The following CCDC85C variants were observed in gnomAD, a reference collection of about 807,000 sequenced individuals.
The protein encoded by CCDC85C is coiled-coil domain containing 85C.
In CCDC85C, 18 loss-of-function variants were observed where a neutral mutation model predicts 38.3. The observed-to-expected ratio is 0.47, with a 90% confidence interval of 0.33 to 0.70. The LOEUF (loss-of-function observed/expected upper bound fraction) is 0.70, where lower values mean the gene tolerates loss of function less well. CCDC85C is among the 30% of genes least tolerant of loss of function. The probability of loss-of-function intolerance (pLI) is 0.03; values close to 1 mark genes in which losing one functional copy is unlikely to be tolerated. For synonymous variants in CCDC85C, 264 were observed against 293.8 expected (o/e 0.90, Z 1.04); for missense variants, 566 against 621.2 (o/e 0.91, Z 0.94).
At chr14:99,570,251 G>T (rs927818054) in intron 1 of CCDC85C, among the ~76,000 whole-genome samples, 1 of 152,248 alleles carries the variant, frequency 6.6e-6, no homozygotes, top group Non-Finnish European at 1.5e-5. Flanking sequence ...GCACAGAGAA[G>T]TTCACAAAGC....
At chr14:99,553,179 G>A (rs1595359747) in intron 1 of CCDC85C, among the ~76,000 whole-genome samples, 1 of 152,164 alleles carries the variant, frequency 6.6e-6, no homozygotes, top group East Asian at 1.9e-4. Context: ...GAAGGATGAG[G>A]CCCCCTCACT....
chr14:99,549,437 G>A (rs1055533863), intron 1 of CCDC85C, among the ~76,000 whole-genome samples: 4 of 152,296 alleles, frequency 2.6e-5, no homozygotes, highest in Non-Finnish European at 2.9e-5. Flanking sequence ...GTTCACAGGC[G>A]TCTGGCTGGA....
Position 99,503,565 on chromosome 14 carries a change from A to G in CCDC85C, c.*11681T>C. The G allele has an allele frequency of 2.0e-6, 3 of 1,516,168 alleles. No homozygotes were observed. Among genetic ancestry groups the G allele is most frequent in the Non-Finnish European group, 8.9e-7 (1 of 1,118,212 alleles). 93.9% of individuals were successfully genotyped at this position (1,516,168 alleles called of 1,614,324 possible). A position where few individuals can be genotyped will look rare whatever the true frequency, so the allele number is the denominator to read the frequency against. On this transcript the variant is annotated 3_prime_UTR_variant, in exon 6 of 6. Coordinates refer to ENST00000380243, the MANE Select transcript of CCDC85C (RefSeq NM_001144995.2). ...CTGGATAATCCATTTTTTTCTCATC[A>G]TACTCAGGATCCCAGTTAACAATTG...
Position 99,515,242 on chromosome 14 carries a change from G to A in CCDC85C, c.*4C>T, listed in dbSNP as rs1276385217. On this transcript the variant is annotated 3_prime_UTR_variant, in exon 6 of 6. Coordinates refer to ENST00000380243, the MANE Select transcript of CCDC85C (RefSeq NM_001144995.2). ...GGCCAGTCCACGTCCACAGAAGAGT[G>A]GCCCTACAAAGGCCCCTTGAACTGG... is the stretch of plus-strand genomic sequence containing the variant. 6.5e-7 allele frequency: 1 copy of A among 1,549,350 alleles called. No individual in the cohort carries two copies. Among genetic ancestry groups the A allele is most frequent in the Non-Finnish European group, 8.7e-7 (1 of 1,145,732 alleles).
At chr14:99,553,514 G>C (rs1897953402) in intron 1 of CCDC85C, among the ~76,000 whole-genome samples, 1 of 152,170 alleles carries the variant, frequency 6.6e-6, no homozygotes, top group Non-Finnish European at 1.5e-5. Flanking sequence ...ACAGGCACGT[G>C]CCACCACGCC....
At chr14:99,590,932 G>A (rs1180557180) in intron 1 of CCDC85C, among the ~76,000 whole-genome samples, 1 of 152,238 alleles carries the variant, frequency 6.6e-6, no homozygotes, top group East Asian at 1.9e-4. Context: ...AGTGCTAATG[G>A]CCTTATCCGC....
chr14:99,578,661 T>G (rs2054930184), intron 1 of CCDC85C, among the ~76,000 whole-genome samples: 1 of 152,206 alleles, frequency 6.6e-6, no homozygotes, highest in Non-Finnish European at 1.5e-5. Context: ...ACTGCTTCTA[T>G]TTTTGCTTTT....
rs1456317189 is a variant in CCDC85C, at chr14:99,535,365, C to T, written c.867+650G>A. On this transcript the variant is annotated intron_variant, in intron 2 of 5. Transcript: ENST00000380243. This position sits in a 1 kb window ranked among gnomAD's most constrained non-coding sequence, Gnocchi z 5.5. ...AGCCAGCTGGCCCCCAACACCCAAG[C>T]GTGACTGCCCATAGCCTCCTCTCGG... Among the ~76,000 whole-genome samples the T allele has an allele frequency of 2.6e-5, 4 of 152,162 alleles. No individual in the cohort carries two copies. The highest frequency in any genetic ancestry group is 1.3e-4 in the Admixed American group (2 of 15,286).
chr14:99,538,394 C>T (rs966055935), intron 1 of CCDC85C, among the ~76,000 whole-genome samples: 15 of 152,222 alleles, frequency 9.9e-5, no homozygotes, highest in African/African-American at 2.7e-4. Context: ...GAAGGCTCTC[C>T]GCAGCGCAAT....
At chr14:99,562,097 A>G (rs1476508771) in intron 1 of CCDC85C, among the ~76,000 whole-genome samples, 6 of 152,194 alleles carry the variant, frequency 3.9e-5, no homozygotes, top group South Asian at 4.1e-4. Flanking sequence ...AGGTGAGGAC[A>G]TGATGATGTC....
At chr14:99,555,358 G>T (rs1897990996) in intron 1 of CCDC85C, among the ~76,000 whole-genome samples, 1 of 152,194 alleles carries the variant, frequency 6.6e-6, no homozygotes, top group Admixed American at 6.5e-5. Flanking sequence ...GTGTCCGCCG[G>T]CTTGTCCAAG....
intron 1 of CCDC85C, among the ~76,000 whole-genome samples, chr14:99,551,293 C>T (rs1897901861): frequency 1.3e-5 from 2 of 152,144 alleles, no homozygotes; most frequent in Admixed American, 6.5e-5. Context: ...CCAGAGGCCA[C>T]ACGGGATTGG....
chr14:99,504,005 G>T lies in CCDC85C; in HGVS notation c.*11241C>A, dbSNP rs1896908825. ...TCCCAAGCACCAAGCCACAGCAGATGCGGGGGGGCAGTAGGGGGTGGTGTG... is the reference window on the plus strand; with the variant it reads ...TCCCAAGCACCAAGCCACAGCAGATTCGGGGGGGCAGTAGGGGGTGGTGTG... On this transcript the variant is annotated 3_prime_UTR_variant, in exon 6 of 6. Transcript: ENST00000380243. 5.6e-6 allele frequency: 2 copies of T among 359,840 alleles called. No individual in the cohort carries two copies. The highest frequency in any genetic ancestry group is 2.2e-5 in the African/African-American group (1 of 45,462). 22.3% of individuals were successfully genotyped at this position (359,840 alleles called of 1,614,324 possible). A position where few individuals can be genotyped will look rare whatever the true frequency, so the allele number is the denominator to read the frequency against.
In CCDC85C at chr14:99,515,130, G is replaced by T; in HGVS notation, c.*116C>A. 1 of 753,520 alleles carries T rather than the reference G, an allele frequency of 1.3e-6. No homozygotes were observed. The highest frequency in any genetic ancestry group is 2.2e-6 in the Non-Finnish European group (1 of 460,798). 46.7% of individuals were successfully genotyped at this position (753,520 alleles called of 1,614,324 possible). ...CAGGGCGGGCAGCGTCCTATGTACA[G>T]TTCACCACAGAGGAAGAAGACAGGG... On this transcript the variant is annotated 3_prime_UTR_variant, in exon 6 of 6. Coordinates refer to ENST00000380243, the MANE Select transcript of CCDC85C (RefSeq NM_001144995.2).
chr14:99,596,592 C>T (rs1429932608), intron 1 of CCDC85C, among the ~76,000 whole-genome samples: 11 of 152,240 alleles, frequency 7.2e-5, no homozygotes, highest in Non-Finnish European at 1.3e-4. Flanking sequence ...TGCCCAGAAC[C>T]CTCTGCCTGT....
At chr14:99,583,723 A>G (rs112290393) in intron 1 of CCDC85C, among the ~76,000 whole-genome samples, 10,768 of 150,546 alleles carry the variant, frequency 0.072, 616 homozygotes, top group South Asian at 0.15. Context: ...CAGAAGAATC[A>G]CTTGAACCTG....
At chr14:99,602,674 C>G (rs1350198501) in intron 1 of CCDC85C, among the ~76,000 whole-genome samples, 1 of 152,164 alleles carries the variant, frequency 6.6e-6, no homozygotes, top group African/African-American at 2.4e-5. Context: ...GCCTGTGCAC[C>G]TTCCCAATCC....
At position 99,515,047 on chromosome 14, in the gene CCDC85C, G is replaced by A; in HGVS notation, c.*199C>T. The A allele has an allele frequency of 5.6e-6, 3 of 534,308 alleles. No homozygotes were observed. The highest frequency in any genetic ancestry group is 1.0e-5 in the Non-Finnish European group (3 of 297,430). The allele number at this position is 534,308 out of a possible 1,614,324, so 33.1% of individuals were successfully genotyped here. Reference sequence around the variant, plus strand: ...AGCGTCTCGTCTTCCCAGGTTGCTGGTGTATGAGGCGGGAGATGGCGGCTT... The same window carrying A: ...AGCGTCTCGTCTTCCCAGGTTGCTGATGTATGAGGCGGGAGATGGCGGCTT... On this transcript the variant is annotated 3_prime_UTR_variant, in exon 6 of 6. Transcript: ENST00000380243.
chr14:99,529,190 G>A (rs888758537), intron 2 of CCDC85C, among the ~76,000 whole-genome samples: 3 of 152,124 alleles, frequency 2.0e-5, no homozygotes, highest in Non-Finnish European at 2.9e-5. Context: ...TTTCACACCC[G>A]AAATCCCATT....
Sources: allele counts gnomAD v4.1 joint callset (sites outside exome capture counted in the v4.1 genomes callset), GRCh38; gene constraint gnomAD v4.1.1; non-coding constraint Gnocchi (gnomAD v3.1); transcripts MANE v1.5; gene names NCBI Gene and HGNC (gene_info 2026-07-23, HGNC 2026-07-21).